The following ZFHX3 variants were observed in gnomAD, a reference collection of about 807,000 sequenced individuals.
The protein encoded by ZFHX3 is zinc finger homeobox protein 3.
In ZFHX3, 42 loss-of-function variants were observed where a neutral mutation model predicts 279.1. The ratio of observed to expected loss-of-function variants is 0.15; its 90% CI spans 0.12 to 0.19. The LOEUF is 0.19. Among genes scored for constraint, ZFHX3 ranks in the 10% least tolerant of loss-of-function variants. The pLI, the probability that ZFHX3 is intolerant of heterozygous loss-of-function variation, is 1.00. For synonymous variants in ZFHX3, 2,293 were observed against 1,957.8 expected, an observed-to-expected ratio of 1.17 and a Z score of -4.52; for missense variants, 4,981 against 4,754.0, an observed-to-expected ratio of 1.05 and a Z score of -1.40.
intron 1 of ZFHX3, among the ~76,000 whole-genome samples, chr16:73,702,422 T>G (rs1597073372): frequency 6.6e-6 from 1 of 152,136 alleles, no homozygotes; most frequent in African/African-American, 2.4e-5. Flanking sequence ...TGAGTGGCGG[T>G]GTTTTCTTCC....
intron 4 of ZFHX3, among the ~76,000 whole-genome samples, chr16:73,304,333 G>A (rs1393882025): frequency 6.6e-6 from 1 of 152,216 alleles, no homozygotes; most frequent in Non-Finnish European, 1.5e-5. Context: ...TGGAACAATA[G>A]TGAGGTCAAA....
intron 5 of ZFHX3, among the ~76,000 whole-genome samples, chr16:73,208,603 G>T (rs1167037492): frequency 1.3e-5 from 2 of 152,210 alleles, no homozygotes; most frequent in Non-Finnish European, 2.9e-5. Flanking sequence ...AAAAGTAGGA[G>T]TCAAGATGGA....
chr16:73,536,509 T>C lies in ZFHX3; in HGVS notation c.-1546-80251A>G, dbSNP rs540110572. ...ACTGCAGAAAAGAAATGCAATTCCT[T>C]CCATCTGCATAAAGTATAACCTCAT... On this transcript the variant is annotated intron_variant, in intron 2 of 17. Coordinates refer to the ZFHX3 transcript ENST00000641206. Among the ~76,000 whole-genome samples, 6 of 152,346 alleles carry C rather than the reference T, an allele frequency of 3.9e-5. No homozygotes were observed. The South Asian group carries it at 1.2e-3, about 32-fold the overall frequency.
intron 5 of ZFHX3, among the ~76,000 whole-genome samples, chr16:73,180,977 A>G (rs1967778741): frequency 6.6e-6 from 1 of 152,102 alleles, no homozygotes; most frequent in Non-Finnish European, 1.5e-5. Flanking sequence ...GTGCTTCTTT[A>G]AATGGCATTC....
intron 5 of ZFHX3, among the ~76,000 whole-genome samples, chr16:73,199,181 T>A (rs1437507245): frequency 6.6e-6 from 1 of 152,144 alleles, no homozygotes; most frequent in Admixed American, 6.5e-5. Context: ...TAACGTATGA[T>A]CAGAAAGGAA....
chr16:73,110,244 C>G (rs535146682), intron 7 of ZFHX3, among the ~76,000 whole-genome samples: 19 of 151,900 alleles, frequency 1.3e-4, no homozygotes, highest in African/African-American at 4.1e-4. Context: ...ACTTTTAAAT[C>G]CTAAAAATCC....
intron 3 of ZFHX3, among the ~76,000 whole-genome samples, chr16:73,446,701 T>C (rs2018191517): frequency 6.6e-6 from 1 of 151,774 alleles, no homozygotes; most frequent in South Asian, 2.1e-4. Flanking sequence ...CATAAACACA[T>C]AGAGGGGAAC....
At chr16:73,805,231 C>T (rs1029201382) in intron 1 of ZFHX3, among the ~76,000 whole-genome samples, 2 of 152,082 alleles carry the variant, frequency 1.3e-5, no homozygotes, top group Non-Finnish European at 2.9e-5. Context: ...TGCAATGGCA[C>T]AACCTCTGCT....
chr16:73,348,747 C>A (rs996864020), intron 3 of ZFHX3, among the ~76,000 whole-genome samples: 1 of 152,236 alleles, frequency 6.6e-6, no homozygotes, highest in Admixed American at 6.5e-5. Flanking sequence ...GACCCACATT[C>A]CCGGTTAAAG....
intron 2 of ZFHX3, among the ~76,000 whole-genome samples, chr16:73,538,286 C>T (rs991948797): frequency 6.6e-6 from 1 of 152,052 alleles, no homozygotes; most frequent in South Asian, 2.1e-4. Flanking sequence ...TCTGTTTCCT[C>T]TGCTACACAG....
intron 1 of ZFHX3, among the ~76,000 whole-genome samples, chr16:73,786,087 T>G (rs1959635621): frequency 6.6e-6 from 1 of 152,088 alleles, no homozygotes; most frequent in Non-Finnish European, 1.5e-5. Flanking sequence ...GTCAGGCTGG[T>G]CTCGAACTCC....
At position 73,039,409 on chromosome 16, in the gene ZFHX3, A is replaced by G. The variant is rs148947934; in HGVS notation, c.-50+8343T>C. ...TGGGGGGAGTGGCCGGGAACCTGCCATTGTTTTAGACCAGGAGAAGCAAAT... is the reference window on the plus strand; with the variant it reads ...TGGGGGGAGTGGCCGGGAACCTGCCGTTGTTTTAGACCAGGAGAAGCAAAT... On this transcript the variant is annotated intron_variant, in intron 1 of 9. Transcript: ENST00000268489. Among the ~76,000 whole-genome samples the G allele has an allele frequency of 1.5e-3, 227 of 152,316 alleles. 1 individual carries two copies. The highest frequency in any genetic ancestry group is 5.1e-3 in the African/African-American group (213 of 41,574).
chr16:73,208,349 T>C (rs919963147), intron 5 of ZFHX3, among the ~76,000 whole-genome samples: 1 of 152,144 alleles, frequency 6.6e-6, no homozygotes, highest in African/African-American at 2.4e-5. Context: ...CATAAAACCA[T>C]GTACACAATA....
At chr16:73,639,942 C>A (rs1192257812) in intron 2 of ZFHX3, among the ~76,000 whole-genome samples, 1 of 152,144 alleles carries the variant, frequency 6.6e-6, no homozygotes, top group Non-Finnish European at 1.5e-5. Context: ...GAGAAGGAAA[C>A]TGACTCTCCC....
At chr16:73,532,482 G>A (rs921929791) in intron 2 of ZFHX3, among the ~76,000 whole-genome samples, 6 of 152,070 alleles carry the variant, frequency 3.9e-5, no homozygotes, top group African/African-American at 9.7e-5. Flanking sequence ...TACCAGCAGC[G>A]TGAAAATGGA....
intron 5 of ZFHX3, among the ~76,000 whole-genome samples, chr16:73,151,078 C>CA (rs993866438): frequency 1.5e-4 from 23 of 152,066 alleles, no homozygotes; most frequent in African/African-American, 4.8e-4. Flanking sequence ...AAGCCAGTCA[C>CA]AAAAAACCAC....
chr16:73,754,577 A>G (rs11641995), intron 1 of ZFHX3, among the ~76,000 whole-genome samples: 36,533 of 152,030 alleles, frequency 0.24, 5,360 homozygotes, highest in East Asian at 0.59. Flanking sequence ...TTGTAGTAAG[A>G]CAGAGGTATC....
chr16:73,649,789 C>G (rs1198370990), intron 2 of ZFHX3, among the ~76,000 whole-genome samples: 1 of 152,050 alleles, frequency 6.6e-6, no homozygotes, highest in East Asian at 1.9e-4. Flanking sequence ...ATATCTCATG[C>G]CTAATGGTAC....
chr16:73,485,378 A>G (rs2018954414), intron 2 of ZFHX3, among the ~76,000 whole-genome samples: 1 of 150,946 alleles, frequency 6.6e-6, no homozygotes, highest in Non-Finnish European at 1.5e-5. Context: ...GTTTAGATAC[A>G]GTCCAGGTTT....
Sources: allele counts gnomAD v4.1 joint callset (sites outside exome capture counted in the v4.1 genomes callset), GRCh38; gene constraint gnomAD v4.1.1; transcripts MANE v1.5; gene names NCBI Gene and HGNC (gene_info 2026-07-23, HGNC 2026-07-21).